Variants in BCAS3 observed in about 807,000 individuals in gnomAD.
BCAS3 encodes BCAS3 microtubule associated cell migration factor.
A neutral mutation model predicts 116.1 loss-of-function variants in BCAS3; 53 were observed. The ratio of observed to expected loss-of-function variants is 0.46; its 90% CI spans 0.37 to 0.57. The LOEUF (loss-of-function observed/expected upper bound fraction) is 0.57. Ranked by LOEUF, BCAS3 falls within the 20% of genes least tolerant of loss-of-function variation. The pLI is 0.00. For missense variants in BCAS3, 917 were observed against 1,165.4 expected, an observed-to-expected ratio of 0.79 and a Z score of 3.10; for synonymous variants, 391 against 408.2, an observed-to-expected ratio of 0.96 and a Z score of 0.51.
chr17:60,922,170 A>G (rs1458335980), intron 12 of BCAS3, among the ~76,000 whole-genome samples: 1 of 152,100 alleles, frequency 6.6e-6, no homozygotes, highest in African/African-American at 2.4e-5. Context: ...TCTGTTGCCC[A>G]GGCTGGAGTG....
intron 15 of BCAS3, among the ~76,000 whole-genome samples, chr17:61,003,035 G>A (rs1433618666): frequency 2.6e-5 from 4 of 151,804 alleles, no homozygotes; most frequent in Admixed American, 2.6e-4. Flanking sequence ...ACTCTCGGGT[G>A]TCATTCCCCA....
Position 60,913,364 on chromosome 17 carries a change from G to A in BCAS3, c.993+2662G>A, listed in dbSNP as rs192955646. Among the ~76,000 whole-genome samples the A allele has an allele frequency of 3.3e-3, 505 of 152,100 alleles. 4 individuals carry two copies. Among genetic ancestry groups the A allele is most frequent in the Non-Finnish European group, 4.9e-3 (334 of 67,904 alleles). ...TCTGTTAGAGGACAGGAAAGAAATT[G>A]ATTTTCAATAAAAGGTGAGTTAGTG... is the stretch of plus-strand genomic sequence containing the variant. On this transcript the variant is annotated intron_variant, in intron 12 of 23. Transcript: ENST00000407086.
chr17:60,734,412 G>C (rs1383391976), intron 5 of BCAS3, among the ~76,000 whole-genome samples: 1 of 152,220 alleles, frequency 6.6e-6, no homozygotes, highest in Non-Finnish European at 1.5e-5. Flanking sequence ...TTACAGGTGT[G>C]AACCACTGTG....
intron 22 of BCAS3, among the ~76,000 whole-genome samples, chr17:61,127,671 T>C (rs1311078178): frequency 6.7e-6 from 1 of 148,428 alleles, no homozygotes. Flanking sequence ...GAAGTACAGC[T>C]ATCTTGTATG....
In BCAS3 at chr17:61,034,702, A is replaced by G. The variant is rs747626579; in HGVS notation, c.1674A>G (p.Lys558=). ...CTCCTCCACAAATTTCACCCAGCAA[A>G]TCGATGGGCGGAGAATTTTGTGTGG... The part of the protein sequence containing the change: ...VKPPPQISPS[K]SMGGEFCVAA... Residue 558 remains lysine, a synonymous_variant, in exon 17 of 24, where the codon AAA becomes AAG. Coordinates refer to ENST00000407086, the MANE Select transcript of BCAS3 (RefSeq NM_017679.5). This position sits in a 1 kb window ranked among gnomAD's most constrained non-coding sequence, Gnocchi z 5.0. 2 of 1,611,680 alleles carry G rather than the reference A, an allele frequency of 1.2e-6. No individual in the cohort carries two copies. The highest frequency in any genetic ancestry group is 1.7e-6 in the Non-Finnish European group (2 of 1,178,420).
intron 22 of BCAS3, among the ~76,000 whole-genome samples, chr17:61,165,601 G>T (rs966325696): frequency 1.3e-5 from 2 of 152,080 alleles, no homozygotes; most frequent in African/African-American, 4.8e-5. Context: ...CAGGAGAATT[G>T]CTTCAACCTG....
rs904275102 is a variant in BCAS3, at chr17:60,967,495, C to T, written c.1221+20143C>T. Among the ~76,000 whole-genome samples the T allele has an allele frequency of 2.6e-5, 4 of 152,100 alleles. No individual in the cohort carries two copies. The highest frequency in any genetic ancestry group is 9.7e-5 in the African/African-American group (4 of 41,426). ...CTTTGTCCTTGACCTTTGAGAGTTT[C>T]ATTATTATACGTGTTAGAGTACTTT... On this transcript the variant is annotated intron_variant, in intron 14 of 23. Coordinates refer to ENST00000407086, the MANE Select transcript of BCAS3 (RefSeq NM_017679.5). The surrounding 1 kb of genome is among the most constrained non-coding windows in gnomAD (Gnocchi z 4.7).
At chr17:61,111,647 G>A (rs1450999022) in intron 22 of BCAS3, among the ~76,000 whole-genome samples, 4 of 143,726 alleles carry the variant, frequency 2.8e-5, no homozygotes, top group East Asian at 4.2e-4. Flanking sequence ...ATGGAACCAA[G>A]TTGGAAAACA....
chr17:61,388,737 T>C lies in BCAS3; in HGVS notation c.2594-3240T>C. The C allele has an allele frequency of 6.5e-7, 1 of 1,533,942 alleles. No individual in the cohort carries two copies. Among genetic ancestry groups the C allele is most frequent in the South Asian group, 1.2e-5 (1 of 83,404 alleles). On this transcript the variant is annotated intron_variant, in intron 23 of 23. Transcript: ENST00000407086. This position sits in a 1 kb window ranked among gnomAD's most constrained non-coding sequence, Gnocchi z 6.5. ...AGGCCACACGTTTCCATTTGCCGCT[T>C]GCTCGTAGGGCTGGGCGGCCGGGAT... is the stretch of plus-strand genomic sequence containing the variant.
intron 9 of BCAS3, among the ~76,000 whole-genome samples, chr17:60,881,893 A>G (rs1242634689): frequency 4.0e-5 from 6 of 148,230 alleles, no homozygotes; most frequent in Admixed American, 4.0e-4. Flanking sequence ...TAATGCCGCA[A>G]TAAACATACG....
At chr17:60,755,076 G>A (rs996707675) in intron 6 of BCAS3, among the ~76,000 whole-genome samples, 1 of 152,142 alleles carries the variant, frequency 6.6e-6, no homozygotes, top group Non-Finnish European at 1.5e-5. Flanking sequence ...TTTCTTTAAT[G>A]ATTTGGGTCA....
In BCAS3 at chr17:61,186,548, C is replaced by T. The variant is rs1200194816; in HGVS notation, c.2425+101984C>T. Among the ~76,000 whole-genome samples, 1 of 152,088 alleles carries T rather than the reference C, an allele frequency of 6.6e-6. No homozygotes were observed. The highest frequency in any genetic ancestry group is 1.5e-5 in the Non-Finnish European group (1 of 68,020). ...TTCTAAATATGGTCATAAATATGCT[C>T]ATAACTTATTTTAATTGTTCATTTG... On this transcript the variant is annotated intron_variant, in intron 22 of 23. Coordinates refer to ENST00000407086, the MANE Select transcript of BCAS3 (RefSeq NM_017679.5). This position sits in a 1 kb window ranked among gnomAD's most constrained non-coding sequence, Gnocchi z 4.9.
At chr17:60,696,378 G>C (rs999013972) in intron 4 of BCAS3, 4 of 152,296 alleles carry the variant, frequency 2.6e-5, no homozygotes, top group Non-Finnish European at 4.4e-5. Flanking sequence ...AGAATCGCTC[G>C]AGTCCAGGAG....
chr17:60,936,803 G>T (rs1168214672), intron 13 of BCAS3, among the ~76,000 whole-genome samples: 1 of 152,118 alleles, frequency 6.6e-6, no homozygotes, highest in Non-Finnish European at 1.5e-5. Context: ...CTCCCATTCT[G>T]TAGGTTGCCT....
intron 22 of BCAS3, among the ~76,000 whole-genome samples, chr17:61,260,071 A>T (rs375241041): frequency 6.6e-6 from 1 of 152,210 alleles, no homozygotes; most frequent in African/African-American, 2.4e-5. Flanking sequence ...TGGATAAGTT[A>T]AATAACTTGC....
Position 61,244,723 on chromosome 17 carries a change from C to T in BCAS3, c.2426-123604C>T, listed in dbSNP as rs1016849734. The stretch of plus-strand genomic sequence containing the variant: ...CTAAAAATACAAAAAATTAGCAGGG[C>T]GTGGTGGTGGGCACCTGTAGTCCCA... On this transcript the variant is annotated intron_variant, in intron 22 of 23. Coordinates refer to ENST00000407086, the MANE Select transcript of BCAS3 (RefSeq NM_017679.5). The surrounding 1 kb of genome is among the most constrained non-coding windows in gnomAD (Gnocchi z 4.9). Among the ~76,000 whole-genome samples the T allele has an allele frequency of 2.0e-5, 3 of 151,882 alleles. No individual in the cohort carries two copies. The highest frequency in any genetic ancestry group is 2.1e-4 in the South Asian group (1 of 4,810).
At position 61,026,537 on chromosome 17, in the gene BCAS3, G is replaced by A. The variant is rs978635919; in HGVS notation, c.1638-8129G>A. Among the ~76,000 whole-genome samples the A allele has an allele frequency of 6.6e-6, 1 of 151,868 alleles. No individual in the cohort carries two copies. The highest frequency in any genetic ancestry group is 2.4e-5 in the African/African-American group (1 of 41,368). On this transcript the variant is annotated intron_variant, in intron 16 of 23. Transcript: ENST00000407086. The surrounding 1 kb of genome is among the most constrained non-coding windows in gnomAD (Gnocchi z 5.0). Reference sequence around the variant, plus strand: ...TATTGATCTCACTCTTCTCCATCTGGTTATTCCATTTAACTTATACCTTGT... The same window carrying A: ...TATTGATCTCACTCTTCTCCATCTGATTATTCCATTTAACTTATACCTTGT...
In BCAS3 at chr17:61,098,870, A is replaced by G. The variant is rs1303335692; in HGVS notation, c.2425+14306A>G. ...GCTGGGTGTGGTGGCTCACACCTGT[A>G]ATACCAGCACTTTGGGAGGCCGAGG... is the stretch of plus-strand genomic sequence containing the variant. On this transcript the variant is annotated intron_variant, in intron 22 of 23. Coordinates refer to ENST00000407086, the MANE Select transcript of BCAS3 (RefSeq NM_017679.5). The surrounding 1 kb of genome is among the most constrained non-coding windows in gnomAD (Gnocchi z 4.2). 3.3e-5 allele frequency among the ~76,000 whole-genome samples: 5 copies of G among 152,122 alleles called. No homozygotes were observed. The highest frequency in any genetic ancestry group is 1.2e-4 in the African/African-American group (5 of 41,424).
At chr17:61,114,757 A>T (rs2075315324) in intron 22 of BCAS3, among the ~76,000 whole-genome samples, 1 of 150,620 alleles carries the variant, frequency 6.6e-6, no homozygotes, top group Admixed American at 6.6e-5. Context: ...TTCATATGGA[A>T]CCAAAAAAGA....
Sources: allele counts gnomAD v4.1 joint callset (sites outside exome capture counted in the v4.1 genomes callset), GRCh38; gene constraint gnomAD v4.1.1; non-coding constraint Gnocchi (gnomAD v3.1); transcripts MANE v1.5; gene names NCBI Gene and HGNC (gene_info 2026-07-23, HGNC 2026-07-21).